ZFP82: variants seen among roughly 807,000 people sequenced by gnomAD.
ZFP82 encodes ZFP82 zinc finger protein, also known as zinc finger protein 82 homolog.
In ZFP82, 30 loss-of-function variants were observed where a neutral mutation model predicts 54.0. The observed-to-expected ratio is 0.56, with a 90% CI of 0.42 to 0.75. ZFP82 has a LOEUF of 0.75. ZFP82 is among the 30% of genes least tolerant of loss of function. ZFP82 has a pLI of 0.00. For missense variants in ZFP82, 500 were observed against 636.8 expected (o/e 0.79, Z 2.31); for synonymous variants, 194 against 209.5 (o/e 0.93, Z 0.64).
intron 1 of ZFP82, among the ~76,000 whole-genome samples, chr19:36,412,950 T>C (rs888585621): frequency 1.7e-4 from 26 of 152,230 alleles, no homozygotes; most frequent in African/African-American, 6.0e-4. Context: ...ATATCAACCA[T>C]GTCATTTTGG....
At chr19:36,398,122 G>C (rs2032327159) in intron 4 of ZFP82, among the ~76,000 whole-genome samples, 1 of 152,112 alleles carries the variant, frequency 6.6e-6, no homozygotes, top group Non-Finnish European at 1.5e-5. Context: ...TTTTCATAAA[G>C]TGATACTGAT....
At chr19:36,399,219 G>A (rs568449091) in intron 4 of ZFP82, among the ~76,000 whole-genome samples, 17 of 152,184 alleles carry the variant, frequency 1.1e-4, no homozygotes, top group East Asian at 1.9e-4. Flanking sequence ...GGAAAACTTC[G>A]AAACACTCAT....
rs780295177 is a variant in ZFP82, at chr19:36,392,623, T to C, written c.*118A>G. On this transcript the variant is annotated 3_prime_UTR_variant, in exon 5 of 5. Coordinates refer to ENST00000392161, the MANE Select transcript of ZFP82 (RefSeq NM_133466.4). ...AGTGATGATGGACTACAATACATTGTCACACTCTTTTAATGGTATAAAACC... is the reference window on the plus strand; with the variant it reads ...AGTGATGATGGACTACAATACATTGCCACACTCTTTTAATGGTATAAAACC... 2.6e-4 allele frequency: 224 copies of C among 853,370 alleles called. No individual in the cohort carries two copies. The highest frequency in any genetic ancestry group is 3.7e-4 in the Non-Finnish European group (216 of 581,156). 52.9% of individuals were successfully genotyped at this position (853,370 alleles called of 1,614,324 possible). A position where few individuals can be genotyped will look rare whatever the true frequency, so the allele number is the denominator to read the frequency against.
downstream of ZFP82, among the ~76,000 whole-genome samples, chr19:36,385,350 T>C (rs969090065): frequency 6.6e-6 from 1 of 152,184 alleles, no homozygotes; most frequent in African/African-American, 2.4e-5. Flanking sequence ...GTCAATAAAT[T>C]TCTGTTTGCT....
chr19:36,417,638 C>G (rs1186465316), intron 1 of ZFP82, among the ~76,000 whole-genome samples: 9 of 152,036 alleles, frequency 5.9e-5, no homozygotes, highest in Non-Finnish European at 1.3e-4. Flanking sequence ...CACAATGCCC[C>G]CACCGCCCAC....
chr19:36,416,203 G>A (rs1264632413), intron 1 of ZFP82, among the ~76,000 whole-genome samples: 3 of 152,050 alleles, frequency 2.0e-5, no homozygotes, highest in Non-Finnish European at 2.9e-5. Context: ...ATGGAGTGTG[G>A]CTTATTTAAT....
intron 4 of ZFP82, among the ~76,000 whole-genome samples, chr19:36,399,688 A>G (rs2032351538): frequency 1.3e-5 from 2 of 152,246 alleles, no homozygotes; most frequent in Non-Finnish European, 2.9e-5. Context: ...GTGTAAACTC[A>G]TGAATAACAA....
chr19:36,392,710 G>A lies in ZFP82; in HGVS notation c.*31C>T, dbSNP rs1236281126. On this transcript the variant is annotated 3_prime_UTR_variant, in exon 5 of 5. Transcript: ENST00000392161. ...AGATTAATTACTACATTCATAGAAT[G>A]TTCTATAACACAGAAGTTGAAAAGA... 6.6e-7 allele frequency: 1 copy of A among 1,514,002 alleles called. No individual in the cohort carries two copies. The highest frequency in any genetic ancestry group is 8.8e-7 in the Non-Finnish European group (1 of 1,136,700). The allele number at this position is 1,514,002 out of a possible 1,614,324, so 93.8% of individuals were successfully genotyped here. A position where few individuals can be genotyped will look rare whatever the true frequency, so the allele number is the denominator to read the frequency against.
At chr19:36,383,405 T>A (rs186164831) in exon 2 of ZFP82, 158 of 151,666 alleles carry the variant, frequency 1.0e-3, no homozygotes, top group African/African-American at 3.7e-3. Context: ...TAGCAGATAT[T>A]TCTAATAAAA....
At chr19:36,415,014 T>A (rs1392711189) in intron 1 of ZFP82, among the ~76,000 whole-genome samples, 1 of 152,068 alleles carries the variant, frequency 6.6e-6, no homozygotes, top group Non-Finnish European at 1.5e-5. Flanking sequence ...AGAGACAGGG[T>A]TTCACCATGT....
chr19:36,409,356 C>T (rs2032538335), intron 2 of ZFP82, among the ~76,000 whole-genome samples: 1 of 151,982 alleles, frequency 6.6e-6, no homozygotes, highest in South Asian at 2.1e-4. Flanking sequence ...GAGCCTCAAA[C>T]TCCTGGGCTC....
In ZFP82 at chr19:36,388,709, A is replaced by G. The variant is rs1689224739; in HGVS notation, c.*4032T>C. Among the ~76,000 whole-genome samples the G allele has an allele frequency of 6.6e-6, 1 of 152,166 alleles. No individual in the cohort carries two copies. Among genetic ancestry groups the G allele is most frequent in the Non-Finnish European group, 1.5e-5 (1 of 68,028 alleles). Reference sequence around the variant, plus strand: ...CTATATTAATGTTCTTTTCAAAGAGAATATCCTTAGTCTGTTATTTTATTA... The same window carrying G: ...CTATATTAATGTTCTTTTCAAAGAGGATATCCTTAGTCTGTTATTTTATTA... On this transcript the variant is annotated 3_prime_UTR_variant, in exon 5 of 5. Transcript: ENST00000392161.
rs1568481628 is a variant in ZFP82 at position 36,390,420 on chromosome 19, CTTCT to C, written c.*2317_*2320del. 1.5e-5 allele frequency: 2 copies of C among 137,176 alleles called. No individual in the cohort carries two copies. The highest frequency in any genetic ancestry group is 2.2e-4 in the East Asian group (1 of 4,486). The allele number at this position is 137,176 out of a possible 1,614,324, so 8.5% of individuals were successfully genotyped here. A position where few individuals can be genotyped will look rare whatever the true frequency, so the allele number is the denominator to read the frequency against. On this transcript the variant is annotated 3_prime_UTR_variant, in exon 5 of 5. Transcript: ENST00000392161. Reference sequence around the variant, plus strand: ...CCCAAATTGTGCATTTGGTTGTTTGCTTCTTTGTGTTGTTAATTTGTTCTTTTAT... The same window carrying C: ...CCCAAATTGTGCATTTGGTTGTTTGCTTGTGTTGTTAATTTGTTCTTTTAT...
chr19:36,392,623 TCA>T lies in ZFP82; in HGVS notation c.*116_*117del. 1 of 853,492 alleles carries T rather than the reference TCA, an allele frequency of 1.2e-6. No homozygotes were observed. Among genetic ancestry groups the T allele is most frequent in the Non-Finnish European group, 1.7e-6 (1 of 581,152 alleles). 52.9% of individuals were successfully genotyped at this position (853,492 alleles called of 1,614,324 possible). On this transcript the variant is annotated 3_prime_UTR_variant, in exon 5 of 5. Transcript: ENST00000392161. ...AGTGATGATGGACTACAATACATTG[TCA>T]CACTCTTTTAATGGTATAAAACCTC...
chr19:36,417,192 TC>T (rs2032688513), intron 1 of ZFP82, among the ~76,000 whole-genome samples: 1 of 151,796 alleles, frequency 6.6e-6, no homozygotes, highest in Non-Finnish European at 1.5e-5. Context: ...ATTTTCATTT[TC>T]CCCCCATCTA....
intron 4 of ZFP82, among the ~76,000 whole-genome samples, chr19:36,400,794 T>C (rs191659676): frequency 7.4e-4 from 113 of 152,340 alleles, no homozygotes; most frequent in Non-Finnish European, 6.5e-4. Context: ...CCAGTGTAAC[T>C]GACAACCCTA....
Position 36,405,597 on chromosome 19 carries a change from C to T in ZFP82, c.212G>A (p.Gly71Glu), listed in dbSNP as rs753557501. The change falls in exon 4 of 5, where the codon GGA becomes GAA. Residue 71 changes from glycine to glutamate, a missense_variant. By Grantham distance (98) the Gly-to-Glu change is moderately conservative. Coordinates refer to ENST00000392161, the MANE Select transcript of ZFP82 (RefSeq NM_133466.4). Reference protein sequence around the residue: ...GKEPWKVVRKGRRQYPDLETK... With the variant: ...GKEPWKVVRKERRQYPDLETK... ...GCCCTCACCTGGATATTGTCTTCTT[C>T]CTTTCCTCACAACTTTCCAAGGCTC... 1.2e-6 allele frequency: 2 copies of T among 1,610,966 alleles called. No individual in the cohort carries two copies. The highest frequency in any genetic ancestry group is 2.2e-5 in the South Asian group (2 of 90,702).
Position 36,393,352 on chromosome 19 carries a change from T to G in ZFP82, c.988A>C (p.Lys330Gln). The G allele has an allele frequency of 6.2e-7, 1 of 1,614,138 alleles. No homozygotes were observed. The change falls in exon 5 of 5, where the codon AAA becomes CAA. Residue 330 changes from lysine to glutamine, a missense_variant. By Grantham distance (53) the Lys-to-Gln change is moderately conservative (BLOSUM62 1). Coordinates refer to ENST00000392161, the MANE Select transcript of ZFP82 (RefSeq NM_133466.4). ...LCGSGLRVHH[K>Q]LHTGEKPYEC... Reference sequence around the variant, plus strand: ...TAGGGTTTCTCACCAGTATGAAGTTTGTGATGTACTCTAAGACCAGAGCCA... The same window carrying G: ...TAGGGTTTCTCACCAGTATGAAGTTGGTGATGTACTCTAAGACCAGAGCCA...
chr19:36,409,529 C>T (rs1222876223), intron 2 of ZFP82, among the ~76,000 whole-genome samples: 1 of 152,120 alleles, frequency 6.6e-6, no homozygotes, highest in Non-Finnish European at 1.5e-5. Flanking sequence ...TTTCATTTTT[C>T]CTCCATTGCA....
Sources: allele counts gnomAD v4.1 joint callset (sites outside exome capture counted in the v4.1 genomes callset), GRCh38; gene constraint gnomAD v4.1.1; transcripts MANE v1.5; gene names NCBI Gene and HGNC (gene_info 2026-07-23, HGNC 2026-07-21).